FRMD1: variants seen among roughly 807,000 people sequenced by gnomAD.
The protein encoded by FRMD1 is FERM domain-containing protein 1.
FRMD1 carries 51 observed loss-of-function variants against 54.9 expected under a neutral mutation model. The ratio of observed to expected loss-of-function variants is 0.93; its 90% CI spans 0.74 to 1.17. The LOEUF is 1.17. Among genes scored for constraint, FRMD1 ranks in the 50% most tolerant of loss-of-function variants. The pLI is 0.00. For missense variants in FRMD1, 729 were observed against 743.0 expected, an observed-to-expected ratio of 0.98 and a Z score of 0.22; for synonymous variants, 324 against 306.4, an observed-to-expected ratio of 1.06 and a Z score of -0.60.
At chr6:168,081,224 T>G, upstream of FRMD1, 2 of 881,102 alleles carry the variant, frequency 2.3e-6, no homozygotes, top group Non-Finnish European at 3.2e-6. Context: ...GTGGTCGCCA[T>G]GAGTACCTCC....
chr6:168,081,492 GTCC>G (rs1405590619), upstream of FRMD1: 2 of 1,534,644 alleles, frequency 1.3e-6, no homozygotes, highest in East Asian at 2.4e-5. Flanking sequence ...GAGCCCTGGA[GTCC>G]TCCTCGGCCC....
Position 168,059,321 on chromosome 6 carries a change from C to A in FRMD1, c.1343-133G>T. On this transcript the variant is annotated intron_variant, in intron 9 of 10. Coordinates refer to ENST00000283309, the MANE Select transcript of FRMD1 (RefSeq NM_024919.6). The surrounding 1 kb of genome is among the most constrained non-coding windows in gnomAD (Gnocchi z 4.4). The stretch of plus-strand genomic sequence containing the variant: ...TCCTGAGGCTCACACCGCCCCCTTG[C>A]TCTCAGTGCGGTGACTGCTTTTGCT... 1 of 703,222 alleles carries A rather than the reference C, an allele frequency of 1.4e-6. No homozygotes were observed. The highest frequency in any genetic ancestry group is 1.8e-5 in the African/African-American group (1 of 56,270). The allele number at this position is 703,222 out of a possible 1,614,324, so 43.6% of individuals were successfully genotyped here.
Position 168,061,855 on chromosome 6 carries a change from G to A in FRMD1, c.997C>T (p.Arg333Cys), listed in dbSNP as rs774519671. 4.0e-5 allele frequency: 63 copies of A among 1,578,816 alleles called. No homozygotes were observed. The highest frequency in any genetic ancestry group is 4.8e-5 in the Non-Finnish European group (56 of 1,163,694). ...AGCTGTTGCAGAGTGGGCCGCACGC[G>A]GAGGTGGAGCTGGTGGCTGGCGCGC... ...LLRASHQLHL[R>C]VRPTLQQLRQ... The change falls in exon 8 of 11, where the codon CGC (arginine) becomes TGC (cysteine). Residue 333 changes from arginine to cysteine, a missense_variant. Coordinates refer to ENST00000283309, the MANE Select transcript of FRMD1 (RefSeq NM_024919.6).
At chr6:168,084,313 G>A (rs528820292), upstream of FRMD1, among the ~76,000 whole-genome samples, 138 of 152,362 alleles carry the variant, frequency 9.1e-4, no homozygotes, top group African/African-American at 3.2e-3. Context: ...GGGAAGGTAA[G>A]TTATTTCTTA....
chr6:168,065,674 C>T (rs1799990985), intron 4 of FRMD1: 1 of 986,858 alleles, frequency 1.0e-6, no homozygotes, highest in African/African-American at 1.7e-5. Context: ...CCTCACTCTC[C>T]AGAACCTGCC....
chr6:168,074,513 G>A (rs1260096711), intron 2 of FRMD1, among the ~76,000 whole-genome samples: 3 of 151,914 alleles, frequency 2.0e-5, no homozygotes, highest in Non-Finnish European at 4.4e-5. Context: ...GTGCATGTGT[G>A]TGGTGTATGT....
At chr6:168,081,613 G>T, upstream of FRMD1, 1 of 1,209,364 alleles carries the variant, frequency 8.3e-7, no homozygotes. Context: ...GGTCCACAAA[G>T]CACAGGTTTT....
intron 1 of FRMD1, among the ~76,000 whole-genome samples, chr6:168,090,495 G>A (rs923160788): frequency 6.6e-6 from 1 of 152,212 alleles, no homozygotes; most frequent in African/African-American, 2.4e-5. Flanking sequence ...TTCCCAGCGT[G>A]GCTGCCCAGC....
At chr6:168,073,747 T>A (rs1437760576) in intron 2 of FRMD1, among the ~76,000 whole-genome samples, 1 of 151,972 alleles carries the variant, frequency 6.6e-6, no homozygotes, top group Non-Finnish European at 1.5e-5. Context: ...TCCAAAAGGA[T>A]CCTAAAATCT....
intron 1 of FRMD1, among the ~76,000 whole-genome samples, chr6:168,087,300 C>T (rs887588146): frequency 3.3e-5 from 5 of 152,174 alleles, no homozygotes; most frequent in African/African-American, 7.2e-5. Context: ...ACCTCCTGAC[C>T]TCAAATGATC....
At chr6:168,064,410 G>A (rs570830402) in intron 5 of FRMD1, among the ~76,000 whole-genome samples, 4 of 152,318 alleles carry the variant, frequency 2.6e-5, no homozygotes, top group South Asian at 2.1e-4. Context: ...TACAGCCCAC[G>A]CCTCTCCATG....
intron 1 of FRMD1, among the ~76,000 whole-genome samples, chr6:168,076,561 G>A (rs537634479): frequency 1.3e-5 from 2 of 152,268 alleles, no homozygotes; most frequent in East Asian, 3.9e-4. Context: ...TTCCCCCTTC[G>A]CTGGGCACTC....
chr6:168,069,280 C>T (rs1800186006), intron 2 of FRMD1, among the ~76,000 whole-genome samples: 2 of 152,244 alleles, frequency 1.3e-5, no homozygotes, highest in Non-Finnish European at 2.9e-5. Context: ...CCCACTCGCT[C>T]TTGTTAATAA....
chr6:168,060,742 G>A lies in FRMD1; in HGVS notation c.1342+19C>T, dbSNP rs1232543640. The A allele has an allele frequency of 6.3e-7, 1 of 1,596,710 alleles. No individual in the cohort carries two copies. Among genetic ancestry groups the A allele is most frequent in the South Asian group, 1.1e-5 (1 of 90,324 alleles). ...CACACTCACTGTCCCTGAGGCCTGG[G>A]CATCTCCCTCGGGCCCACCTTGGCT... is the stretch of plus-strand genomic sequence containing the variant. On this transcript the variant is annotated intron_variant, in intron 9 of 10. Transcript: ENST00000283309.
At chr6:168,084,943 G>A (rs1456081734), upstream of FRMD1, among the ~76,000 whole-genome samples, 2 of 152,188 alleles carry the variant, frequency 1.3e-5, no homozygotes, top group Non-Finnish European at 2.9e-5. Flanking sequence ...TGCAGCAGCG[G>A]AGTGGGCTGC....
At chr6:168,082,432 G>A (rs899382608), upstream of FRMD1, among the ~76,000 whole-genome samples, 7 of 152,224 alleles carry the variant, frequency 4.6e-5, no homozygotes, top group Non-Finnish European at 1.5e-5. Context: ...GAAACCCGGT[G>A]TCTGCTGGAA....
chr6:168,053,452 G>T lies in FRMD1; in HGVS notation c.*3645C>A, dbSNP rs1562398123. ...CCATCCTGTCCTGAGACTCCCTGCTGCTCCTACAGGTAGAGACGACATGAC... is the reference window on the plus strand; with the variant it reads ...CCATCCTGTCCTGAGACTCCCTGCTTCTCCTACAGGTAGAGACGACATGAC... On this transcript the variant is annotated 3_prime_UTR_variant, in exon 11 of 11. Transcript: ENST00000283309. 1 of 152,522 alleles carries T rather than the reference G, an allele frequency of 6.6e-6. No homozygotes were observed. Among genetic ancestry groups the T allele is most frequent in the African/African-American group, 2.4e-5 (1 of 41,466 alleles). 9.4% of individuals were successfully genotyped at this position (152,522 alleles called of 1,614,324 possible). A position where few individuals can be genotyped will look rare whatever the true frequency, so the allele number is the denominator to read the frequency against.
intron 1 of FRMD1, chr6:168,075,850 CCCGTGT>C: frequency 6.6e-7 from 1 of 1,522,624 alleles, no homozygotes; most frequent in East Asian, 2.5e-5. Flanking sequence ...TTTCCGGCGT[CCCGTGT>C]CCACATTTCC....
chr6:168,066,163 G>A (rs10945462), intron 4 of FRMD1: 205,033 of 985,854 alleles, frequency 0.21, 20,799 homozygotes, highest in Non-Finnish European at 0.22. Flanking sequence ...ACCCCCGGAT[G>A]GTATACCCAC....
Sources: allele counts gnomAD v4.1 joint callset (sites outside exome capture counted in the v4.1 genomes callset), GRCh38; gene constraint gnomAD v4.1.1; non-coding constraint Gnocchi (gnomAD v3.1); transcripts MANE v1.5; gene names NCBI Gene and HGNC (gene_info 2026-07-23, HGNC 2026-07-21).